Variants in IKZF2 observed in about 807,000 individuals in gnomAD.
The protein encoded by IKZF2 is IKAROS family zinc finger 2, also known as zinc finger protein Helios.
IKZF2 carries 15 observed loss-of-function variants against 49.2 expected under a neutral mutation model. The observed-to-expected ratio is 0.30, with a 90% CI of 0.20 to 0.47. The LOEUF (loss-of-function observed/expected upper bound fraction) is 0.47, where lower values mean the gene tolerates loss of function less well. Among genes scored for constraint, IKZF2 ranks in the 20% least tolerant of loss-of-function variants. The pLI is 1.00. For synonymous variants in IKZF2, 227 were observed against 221.4 expected, an observed-to-expected ratio of 1.03 and a Z score of -0.23; for missense variants, 567 against 664.6, an observed-to-expected ratio of 0.85 and a Z score of 1.61.
At chr2:213,129,985 G>A (rs768876738) in intron 4 of IKZF2, among the ~76,000 whole-genome samples, 8 of 152,102 alleles carry the variant, frequency 5.3e-5, no homozygotes, top group Non-Finnish European at 1.2e-4. Flanking sequence ...GAGAGAAGAG[G>A]ACCTGTACAT....
At chr2:213,117,063 A>C (rs1195818349) in intron 4 of IKZF2, among the ~76,000 whole-genome samples, 1 of 152,196 alleles carries the variant, frequency 6.6e-6, no homozygotes, top group East Asian at 1.9e-4. Context: ...AATTTGAGGT[A>C]CATAAGGAAG....
chr2:213,060,568 A>G (rs1004423747), intron 4 of IKZF2, among the ~76,000 whole-genome samples: 1 of 151,476 alleles, frequency 6.6e-6, no homozygotes, highest in Non-Finnish European at 1.5e-5. Flanking sequence ...AATTCTCAAT[A>G]CCAAGAGTTA....
intron 4 of IKZF2, among the ~76,000 whole-genome samples, chr2:213,083,594 G>A (rs1411145550): frequency 7.4e-6 from 1 of 135,482 alleles, no homozygotes; most frequent in Non-Finnish European, 1.5e-5. Flanking sequence ...TAGAGATGGA[G>A]TTTCTCTATG....
chr2:213,151,721 C>T, upstream of IKZF2: 1 of 146,938 alleles, frequency 6.8e-6, no homozygotes, highest in Non-Finnish European at 1.5e-5. Flanking sequence ...GGGCTGGCGG[C>T]GGCTGCGGCG....
Position 213,147,705 on chromosome 2 carries a change from T to A in IKZF2, c.139+3A>T. 1.2e-6 allele frequency: 2 copies of A among 1,608,566 alleles called. No individual in the cohort carries two copies. The highest frequency in any genetic ancestry group is 8.5e-7 in the Non-Finnish European group (1 of 1,175,588). ...AAAAAAAAATCATAAAATGAAGACTTACTGCTTGTCATGTGACTTGGTGAG... is the reference window on the plus strand; with the variant it reads ...AAAAAAAAATCATAAAATGAAGACTAACTGCTTGTCATGTGACTTGGTGAG... On this transcript the variant is annotated splice_donor_region_variant and intron_variant, in intron 4 of 8. Transcript: ENST00000434687.
chr2:213,035,533 A>G (rs1192924502), intron 6 of IKZF2, among the ~76,000 whole-genome samples: 1 of 152,232 alleles, frequency 6.6e-6, no homozygotes. Flanking sequence ...TATGGATGCC[A>G]CTATTTTCAA....
rs1695134244 is a variant in IKZF2, at chr2:213,004,157, T to C, written c.*3203A>G. On this transcript the variant is annotated 3_prime_UTR_variant, in exon 9 of 9. Coordinates refer to ENST00000434687, the MANE Select transcript of IKZF2 (RefSeq NM_001387220.1). The stretch of plus-strand genomic sequence containing the variant: ...TTTCCATGAATTCTCTTTAAAAGAA[T>C]GTGTGTGTAGTATACACACACATAT... 1 of 151,842 alleles carries C rather than the reference T, an allele frequency of 6.6e-6. No homozygotes were observed. 9.4% of individuals were successfully genotyped at this position (151,842 alleles called of 1,614,324 possible).
At chr2:213,053,998 A>G (rs1192541472) in intron 5 of IKZF2, among the ~76,000 whole-genome samples, 3 of 152,138 alleles carry the variant, frequency 2.0e-5, no homozygotes, top group African/African-American at 7.2e-5. Context: ...CACGCCTGTA[A>G]TCCCAGCACT....
Position 213,007,452 on chromosome 2 carries a change from C to T in IKZF2, c.1489G>A (p.Asp497Asn), listed in dbSNP as rs1695444216. 6.2e-7 allele frequency: 1 copy of T among 1,613,420 alleles called. No individual in the cohort carries two copies. Among genetic ancestry groups the T allele is most frequent in the Non-Finnish European group, 8.5e-7 (1 of 1,179,654 alleles). ...CCACAGATGTTGCATTCCAGTGGGT[C>T]CCGGTAGCCATGGCAACCCATGTGA... is the stretch of plus-strand genomic sequence containing the variant. ...TIHMGCHGYR[D>N]PLECNICGYR... The change falls in exon 9 of 9, where the codon GAC becomes AAC. Residue 497 changes from aspartate to asparagine, a missense_variant. Physicochemically the swap from Asp to Asn is conservative, Grantham distance 23 (BLOSUM62 1). This residue lies in a region of IKZF2 where 22 missense variants were observed against 52.3 expected (regional missense o/e 0.42). Transcript: ENST00000434687.
At chr2:213,054,462 A>C (rs1212803991) in intron 5 of IKZF2, among the ~76,000 whole-genome samples, 1 of 152,190 alleles carries the variant, frequency 6.6e-6, no homozygotes, top group African/African-American at 2.4e-5. Context: ...AGTTTAAATT[A>C]AAGAAATGCA....
intron 4 of IKZF2, among the ~76,000 whole-genome samples, chr2:213,109,065 C>G (rs1279809951): frequency 2.6e-5 from 4 of 151,988 alleles, no homozygotes; most frequent in Admixed American, 2.6e-4. Flanking sequence ...TTTAACAGCT[C>G]CATTTTATTC....
In IKZF2 at chr2:213,007,481, G is replaced by T; in HGVS notation, c.1460C>A (p.Thr487Asn). 1 of 1,613,692 alleles carries T rather than the reference G, an allele frequency of 6.2e-7. No individual in the cohort carries two copies. The highest frequency in any genetic ancestry group is 8.5e-7 in the Non-Finnish European group (1 of 1,179,704). ...GTAGCCATGGCAACCCATGTGAATG[G>T]TGTACATGACATGGTCTAGGAAAAG... ...RVLFLDHVMY[T>N]IHMGCHGYRD... Residue 487 changes from threonine to asparagine, a missense_variant, in exon 9 of 9, where the codon ACC (threonine) becomes AAC (asparagine). Physicochemically the swap from Thr to Asn is moderately conservative, Grantham distance 65. This residue lies in a region of IKZF2 where 22 missense variants were observed against 52.3 expected (regional missense o/e 0.42). Coordinates refer to ENST00000434687, the MANE Select transcript of IKZF2 (RefSeq NM_001387220.1).
intron 7 of IKZF2, chr2:213,021,764 T>C: frequency 1.7e-6 from 1 of 582,922 alleles, no homozygotes; most frequent in Non-Finnish European, 3.1e-6. Context: ...TACCTTCCTT[T>C]GGTATATGAA....
At chr2:213,107,765 G>T (rs1458570064) in intron 4 of IKZF2, among the ~76,000 whole-genome samples, 2 of 152,112 alleles carry the variant, frequency 1.3e-5, no homozygotes, top group Non-Finnish European at 2.9e-5. Context: ...AGATCACAAA[G>T]ATCTTAGGCC....
intron 6 of IKZF2, among the ~76,000 whole-genome samples, chr2:213,044,224 C>T (rs1297495708): frequency 6.6e-6 from 1 of 152,154 alleles, no homozygotes; most frequent in Non-Finnish European, 1.5e-5. Context: ...CTCTAGATCC[C>T]CTTTCTCTTT....
intron 6 of IKZF2, among the ~76,000 whole-genome samples, chr2:213,032,482 C>T (rs986035989): frequency 6.6e-6 from 1 of 152,122 alleles, no homozygotes; most frequent in Non-Finnish European, 1.5e-5. Context: ...ACCTGTAATA[C>T]AAGCACTTTG....
At chr2:213,115,407 C>T (rs1028570613) in intron 4 of IKZF2, among the ~76,000 whole-genome samples, 8 of 152,136 alleles carry the variant, frequency 5.3e-5, no homozygotes, top group Non-Finnish European at 7.4e-5. Context: ...AACCACATAG[C>T]GAATATTTCC....
At chr2:213,139,622 A>G (rs1319842242) in intron 4 of IKZF2, among the ~76,000 whole-genome samples, 2 of 151,978 alleles carry the variant, frequency 1.3e-5, no homozygotes, top group South Asian at 4.1e-4. Context: ...CTGATTTTAA[A>G]TATCAGTTTT....
At chr2:213,150,058 C>G (rs1489235183) in intron 2 of IKZF2, 86 bp downstream of exon 2, 1 of 629,088 alleles carries the variant, frequency 1.6e-6, no homozygotes, top group Non-Finnish European at 2.5e-6. Flanking sequence ...CGAAAGAAGG[C>G]TGCCCCATCA....
Sources: allele counts gnomAD v4.1 joint callset (sites outside exome capture counted in the v4.1 genomes callset), GRCh38; gene constraint gnomAD v4.1.1; regional missense constraint gnomAD v4.1.1; transcripts MANE v1.5; gene names NCBI Gene and HGNC (gene_info 2026-07-23, HGNC 2026-07-21).